The following OLA1 variants were observed in gnomAD, a reference collection of about 807,000 sequenced individuals.
The protein encoded by OLA1 is obg-like ATPase 1.
OLA1 carries 14 observed loss-of-function variants against 48.4 expected under a neutral mutation model. The ratio of observed to expected loss-of-function variants is 0.29; its 90% CI spans 0.19 to 0.45. The LOEUF (loss-of-function observed/expected upper bound fraction) is 0.45. Ranked by LOEUF, OLA1 falls within the 20% of genes least tolerant of loss-of-function variation. The pLI is 1.00. For missense variants in OLA1, 325 were observed against 467.1 expected, an observed-to-expected ratio of 0.70 and a Z score of 2.80; for synonymous variants, 127 against 150.4, an observed-to-expected ratio of 0.84 and a Z score of 1.14.
chr2:174,163,733 T>A (rs372515505), intron 4 of OLA1, among the ~76,000 whole-genome samples: 13 of 15,798 alleles, frequency 8.2e-4, no homozygotes, highest in South Asian at 2.9e-3. Flanking sequence ...TATATATATA[T>A]ATATATATAT....
intron 4 of OLA1, among the ~76,000 whole-genome samples, chr2:174,190,804 T>A (rs1378147724): frequency 6.6e-6 from 1 of 151,602 alleles, no homozygotes; most frequent in Non-Finnish European, 1.5e-5. Context: ...AAAGGTTATG[T>A]TTCACAAATC....
intron 4 of OLA1, among the ~76,000 whole-genome samples, chr2:174,171,354 CCCA>C (rs1687297833): frequency 6.6e-6 from 1 of 151,976 alleles, no homozygotes; most frequent in African/African-American, 2.4e-5. Flanking sequence ...GTTCATTTGG[CCCA>C]GACTACGCAT....
At chr2:174,226,474 A>T (rs918884339) in intron 3 of OLA1, among the ~76,000 whole-genome samples, 2 of 151,970 alleles carry the variant, frequency 1.3e-5, no homozygotes, top group African/African-American at 2.4e-5. Context: ...AACATTTATT[A>T]ATGTTCTTTT....
intron 4 of OLA1, among the ~76,000 whole-genome samples, chr2:174,195,781 A>C (rs1368805805): frequency 1.3e-5 from 2 of 152,194 alleles, no homozygotes; most frequent in Non-Finnish European, 2.9e-5. Context: ...CTGTTATTAA[A>C]ATTAAAACTA....
chr2:174,102,287 A>C (rs926631627), intron 7 of OLA1, among the ~76,000 whole-genome samples: 15 of 152,182 alleles, frequency 9.9e-5, no homozygotes, highest in Admixed American at 6.5e-4. Flanking sequence ...AAGTGTGAGA[A>C]CCAACAGCAC....
chr2:174,184,340 T>C (rs1390077351), intron 4 of OLA1, among the ~76,000 whole-genome samples: 2 of 152,206 alleles, frequency 1.3e-5, no homozygotes, highest in Admixed American at 1.3e-4. Context: ...ATGTGAAGTA[T>C]ACTTTACCTC....
intron 7 of OLA1, among the ~76,000 whole-genome samples, chr2:174,112,697 C>T (rs1287050968): frequency 6.6e-6 from 1 of 152,142 alleles, no homozygotes; most frequent in African/African-American, 2.4e-5. Context: ...ACCCACTTTG[C>T]TCTCTGTCTC....
intron 5 of OLA1, among the ~76,000 whole-genome samples, chr2:174,128,105 C>CT (rs1017986948): frequency 6.6e-6 from 1 of 151,640 alleles, no homozygotes; most frequent in African/African-American, 2.4e-5. Flanking sequence ...TAGAAACAAT[C>CT]TAAAAAGCCA....
intron 5 of OLA1, among the ~76,000 whole-genome samples, chr2:174,139,690 C>T (rs1277609137): frequency 6.6e-6 from 1 of 151,936 alleles, no homozygotes; most frequent in Non-Finnish European, 1.5e-5. Context: ...TACAATGAAA[C>T]CCCGTCTCTA....
intron 4 of OLA1, among the ~76,000 whole-genome samples, chr2:174,209,736 T>C (rs1291043437): frequency 6.6e-6 from 1 of 152,168 alleles, no homozygotes; most frequent in Non-Finnish European, 1.5e-5. Flanking sequence ...AATAAGACTG[T>C]AAAGGTGAAG....
At chr2:174,179,917 A>G (rs980809678) in intron 4 of OLA1, among the ~76,000 whole-genome samples, 3 of 152,124 alleles carry the variant, frequency 2.0e-5, no homozygotes, top group Non-Finnish European at 4.4e-5. Context: ...AATTTAATGA[A>G]AAAGCATAAT....
intron 4 of OLA1, among the ~76,000 whole-genome samples, chr2:174,203,493 G>A (rs1574548570): frequency 6.8e-6 from 1 of 147,428 alleles, no homozygotes; most frequent in East Asian, 1.9e-4. Context: ...AAGAGATGGG[G>A]TCTTGCTTTA....
At chr2:174,170,453 G>C (rs976313488) in intron 4 of OLA1, among the ~76,000 whole-genome samples, 1 of 152,052 alleles carries the variant, frequency 6.6e-6, no homozygotes. Context: ...ACAAACCACA[G>C]AAGCAACAAA....
intron 4 of OLA1, among the ~76,000 whole-genome samples, chr2:174,213,382 C>T (rs1188788668): frequency 1.3e-5 from 2 of 152,094 alleles, no homozygotes; most frequent in Non-Finnish European, 2.9e-5. Context: ...AGGTGCTATG[C>T]TTCAAATAAC....
At chr2:174,189,340 C>A (rs1687726045) in intron 4 of OLA1, among the ~76,000 whole-genome samples, 1 of 151,900 alleles carries the variant, frequency 6.6e-6, no homozygotes, top group African/African-American at 2.4e-5. Context: ...CACAAGACAT[C>A]ACAAAGAAAG....
At chr2:174,107,726 T>A (rs1430572070) in intron 7 of OLA1, among the ~76,000 whole-genome samples, 4 of 152,242 alleles carry the variant, frequency 2.6e-5, no homozygotes, top group African/African-American at 9.6e-5. Context: ...TGATATTTAA[T>A]CACATTTTGG....
At chr2:174,239,617 G>A (rs929038811) in intron 2 of OLA1, among the ~76,000 whole-genome samples, 1 of 148,354 alleles carries the variant, frequency 6.7e-6, no homozygotes, top group African/African-American at 2.5e-5. Context: ...AGTGGCTCAT[G>A]CATATAATCC....
chr2:174,157,477 GT>G (rs1686914983), intron 4 of OLA1, among the ~76,000 whole-genome samples: 1 of 152,170 alleles, frequency 6.6e-6, no homozygotes, highest in Non-Finnish European at 1.5e-5. Flanking sequence ...TCATGTACAG[GT>G]TTTGATGAAA....
At chr2:174,193,652 C>T (rs1444549158) in intron 4 of OLA1, among the ~76,000 whole-genome samples, 1 of 152,132 alleles carries the variant, frequency 6.6e-6, no homozygotes, top group East Asian at 1.9e-4. Context: ...ATACTACAGG[C>T]TTTAAACTCC....
Sources: allele counts gnomAD v4.1 joint callset (sites outside exome capture counted in the v4.1 genomes callset), GRCh38; gene constraint gnomAD v4.1.1; transcripts MANE v1.5; gene names NCBI Gene and HGNC (gene_info 2026-07-23, HGNC 2026-07-21).